The following RPL36 variants were observed in gnomAD, a reference collection of about 807,000 sequenced individuals.
RPL36 encodes the protein large ribosomal subunit protein eL36.
For missense variants in RPL36, 131 were observed against 144.9 expected, an observed-to-expected ratio of 0.90 and a Z score of 0.49; for synonymous variants, 74 against 56.0, an observed-to-expected ratio of 1.32 and a Z score of -1.44.
intron 2 of RPL36, 90 bp downstream of exon 2, chr19:5,690,690 CGCGTTCGGGCGCAGAACTAAGGGGG>C: frequency 9.6e-7 from 1 of 1,042,608 alleles, no homozygotes; most frequent in East Asian, 2.6e-5. Context: ...TGAAAGAACG[CGCGTTCGGGCGCAGAACTAAGGGGG>C]GCTTGAATGG....
chr19:5,691,189 A>T, intron 2 of RPL36, 130 bp from the exon 3 acceptor site: 1 of 1,375,766 alleles, frequency 7.3e-7, no homozygotes, highest in African/African-American at 1.4e-5. Flanking sequence ...GCTAGGCGTT[A>T]ATACCTTGGT....
At chr19:5,690,379 C>T (rs2054800673) in intron 1 of RPL36, 52 bp downstream of exon 1, 3 of 748,964 alleles carry the variant, frequency 4.0e-6, no homozygotes, top group Non-Finnish European at 4.8e-6. Flanking sequence ...ACTCCCGGGT[C>T]CTCTGTGCAG....
At chr19:5,691,075 G>C in intron 2 of RPL36, 1 of 597,314 alleles carries the variant, frequency 1.7e-6, no homozygotes, top group Non-Finnish European at 3.0e-6. Flanking sequence ...AGTGTATTGG[G>C]CGCCTTTATT....
In RPL36 at chr19:5,690,536, G is replaced by A; in HGVS notation, c.29G>A (p.Gly10Asp). 6.4e-7 allele frequency: 1 copy of A among 1,566,162 alleles called. No homozygotes were observed. The highest frequency in any genetic ancestry group is 8.7e-7 in the Non-Finnish European group (1 of 1,156,060). Residue 10 changes from glycine to aspartate, a missense_variant, in exon 2 of 4, where the codon GGC (glycine) becomes GAC (aspartate). Physicochemically the swap from Gly to Asp is moderately conservative, Grantham distance 94 (BLOSUM62 -1). Transcript: ENST00000347512. MALRYPMAVGLNKGHKVTKN... is the reference protein window; with the variant it reads MALRYPMAVDLNKGHKVTKN... ...GCCCTACGCTACCCTATGGCCGTGG[G>A]CCTCAACAAGGGCCACAAAGTGACC...
At chr19:5,691,159 C>T (rs2054812620) in intron 2 of RPL36, 160 bp from the exon 3 acceptor site, 5 of 994,900 alleles carry the variant, frequency 5.0e-6, no homozygotes, top group South Asian at 1.5e-5. Context: ...ATGGGAGCTG[C>T]TCCGGGCGCG....
At chr19:5,690,352 T>TATCCGCCGCC in intron 1 of RPL36, 25 bp downstream of exon 1, 1 of 687,122 alleles carries the variant, frequency 1.5e-6, no homozygotes. Context: ...GCACTGCCGG[T>TATCCGCCGCC]ATCCGCCGCC....
intron 2 of RPL36, chr19:5,690,839 G>T (rs913623664): frequency 1.7e-6 from 1 of 594,712 alleles, no homozygotes; most frequent in Non-Finnish European, 3.0e-6. Context: ...CCTTGAGAGC[G>T]GCGCGGGGCA....
Position 5,690,617 on chromosome 19 carries a change from C to G in RPL36, c.93+17C>G, listed in dbSNP as rs2054804714. Reference sequence around the variant, plus strand: ...CGCCGCGGGGTGAGTGCGGGTGCCGCGCGGAGGTTGTCGGGGGTTTCTTGG... The same window carrying G: ...CGCCGCGGGGTGAGTGCGGGTGCCGGGCGGAGGTTGTCGGGGGTTTCTTGG... On this transcript the variant is annotated intron_variant, in intron 2 of 3. Transcript: ENST00000347512. The G allele has an allele frequency of 6.4e-7, 1 of 1,551,096 alleles. No individual in the cohort carries two copies.
chr19:5,690,723 T>A (rs909690053), intron 2 of RPL36, 123 bp downstream of exon 2: 3 of 766,816 alleles, frequency 3.9e-6, no homozygotes, highest in Non-Finnish European at 6.6e-6. Flanking sequence ...GGGGCTTGAA[T>A]GGAAGAGATG....
At position 5,690,817 on chromosome 19, in the gene RPL36, G is replaced by A. The variant is rs2054807570; in HGVS notation, c.93+217G>A. 5.0e-6 allele frequency: 3 copies of A among 606,042 alleles called. No homozygotes were observed. In the Admixed American group the frequency reaches 8.3e-5, roughly 17 times the overall value. The allele number at this position is 606,042 out of a possible 1,614,324, so 37.5% of individuals were successfully genotyped here. A position where few individuals can be genotyped will look rare whatever the true frequency, so the allele number is the denominator to read the frequency against. ...TCCCAACCGTGCAATCCACGCTGGG[G>A]CAGAGGGAGCACCTTGAGAGCGGCG... On this transcript the variant is annotated intron_variant, in intron 2 of 3. Transcript: ENST00000347512.
At position 5,691,225 on chromosome 19, in the gene RPL36, G is replaced by A; in HGVS notation, c.94-94G>A. On this transcript the variant is annotated intron_variant, in intron 2 of 3. Transcript: ENST00000347512. ...TCTCACAGCTACCCACAGAGGGGAG[G>A]AAGTAGCCAGGGAAATCGCGGCAGC... 7 of 1,576,298 alleles carry A rather than the reference G, an allele frequency of 4.4e-6. 1 individual carries two copies. In the South Asian group the frequency reaches 5.6e-5, roughly 13 times the overall value.
In RPL36 at chr19:5,690,431, C is replaced by T; in HGVS notation, c.-2-75C>T. ...TTGTGGCGAGCGAGGCTGAAGGAGC[C>T]GGGACGCGGGGCTCTGGGCCTCGGG... is the stretch of plus-strand genomic sequence containing the variant. On this transcript the variant is annotated intron_variant, in intron 1 of 3. Coordinates refer to ENST00000347512, the MANE Select transcript of RPL36 (RefSeq NM_033643.3). 2.6e-6 allele frequency: 3 copies of T among 1,165,988 alleles called. No individual in the cohort carries two copies. The South Asian group carries it at 3.9e-5, about 15-fold the overall frequency. The allele number at this position is 1,165,988 out of a possible 1,614,324, so 72.2% of individuals were successfully genotyped here.
In RPL36 at chr19:5,691,739, G is replaced by C. The variant is rs566393925; in HGVS notation, c.*118G>C. On this transcript the variant is annotated 3_prime_UTR_variant, in exon 4 of 4. Coordinates refer to ENST00000347512, the MANE Select transcript of RPL36 (RefSeq NM_033643.3). Reference sequence around the variant, plus strand: ...GCCCGCAGTCCCCTGTCTGGTGCCCGCTCTGAGCCACACCCTCTCCGGGTG... The same window carrying C: ...GCCCGCAGTCCCCTGTCTGGTGCCCCCTCTGAGCCACACCCTCTCCGGGTG... 14 of 1,124,420 alleles carry C rather than the reference G, an allele frequency of 1.2e-5. No homozygotes were observed. Among genetic ancestry groups the C allele is most frequent in the African/African-American group, 1.2e-4 (8 of 65,040 alleles). 69.7% of individuals were successfully genotyped at this position (1,124,420 alleles called of 1,614,324 possible).
At chr19:5,691,149 A>G in intron 2 of RPL36, 170 bp from the exon 3 acceptor site, 4 of 876,764 alleles carry the variant, frequency 4.6e-6, no homozygotes, top group Admixed American at 4.5e-5. Context: ...CTTAGGGAGG[A>G]TGGGAGCTGC....
At chr19:5,690,408 G>T (rs1034960618) in intron 1 of RPL36, 81 bp downstream of exon 1, 3 of 941,362 alleles carry the variant, frequency 3.2e-6, no homozygotes, top group Non-Finnish European at 5.1e-6. Context: ...ATGGTTGGTT[G>T]TGGCGAGCGA....
Position 5,691,308 on chromosome 19 carries a change from T to A in RPL36, c.94-11T>A. The stretch of plus-strand genomic sequence containing the variant: ...TCCCCCTACCCTGACGGCCGCCCCT[T>A]TCCCCCCTAGCGTCTGACCAAACAC... On this transcript the variant is annotated splice_polypyrimidine_tract_variant and intron_variant, in intron 2 of 3. Transcript: ENST00000347512. 6.2e-7 allele frequency: 1 copy of A among 1,610,584 alleles called. No homozygotes were observed. The highest frequency in any genetic ancestry group is 8.5e-7 in the Non-Finnish European group (1 of 1,178,432).
In RPL36 at chr19:5,691,843, T is replaced by A. The variant is rs2054826909; in HGVS notation, c.*222T>A. The A allele has an allele frequency of 2.5e-6, 2 of 810,376 alleles. No individual in the cohort carries two copies. The highest frequency in any genetic ancestry group is 3.8e-6 in the Non-Finnish European group (2 of 520,712). The allele number at this position is 810,376 out of a possible 1,614,324, so 50.2% of individuals were successfully genotyped here. ...GGTGAGGAAGCCGCCGTACTGCAAA[T>A]GACTTTAATCATTAAATAGCTTCTA... On this transcript the variant is annotated 3_prime_UTR_variant, in exon 4 of 4. Transcript: ENST00000347512.
In RPL36 at chr19:5,691,629, C is replaced by A. The variant is rs756532565; in HGVS notation, c.*8C>A. ...GCTGCCAAGAAAGACTGAGCCCCTC[C>A]CCTGCCCTCTCCCTGAAATAAAGAA... On this transcript the variant is annotated 3_prime_UTR_variant, in exon 4 of 4. Coordinates refer to ENST00000347512, the MANE Select transcript of RPL36 (RefSeq NM_033643.3). 1.2e-6 allele frequency: 2 copies of A among 1,601,012 alleles called. No individual in the cohort carries two copies. The highest frequency in any genetic ancestry group is 1.7e-6 in the Non-Finnish European group (2 of 1,174,934).
rs1445328515 is a variant in RPL36 at position 5,691,320 on chromosome 19, G to C, written c.95G>C (p.Arg32Pro). Residue 32 changes from arginine to proline, a missense_variant and splice_region_variant, in exon 3 of 4, where the codon CGT becomes CCT. Arg to Pro is a moderately radical substitution (Grantham distance 103). Coordinates refer to ENST00000347512, the MANE Select transcript of RPL36 (RefSeq NM_033643.3). ...GACGGCCGCCCCTTTCCCCCCTAGC[G>C]TCTGACCAAACACACCAAGTTCGTG... ...SKPRHSRRRG[R>P]LTKHTKFVRD... 6.2e-7 allele frequency: 1 copy of C among 1,612,578 alleles called. No homozygotes were observed. Among genetic ancestry groups the C allele is most frequent in the Non-Finnish European group, 8.5e-7 (1 of 1,180,030 alleles).
Sources: allele counts gnomAD v4.1 joint callset, GRCh38; gene constraint gnomAD v4.1.1; transcripts MANE v1.5; gene names NCBI Gene and HGNC (gene_info 2026-07-23, HGNC 2026-07-21).